Variants in NRXN2 observed in about 807,000 individuals in gnomAD.
NRXN2 encodes the protein neurexin 2.
NRXN2 carries 29 observed loss-of-function variants against 128.8 expected under a neutral mutation model. That is an observed-to-expected ratio of 0.23 (90% confidence interval 0.17 to 0.31). The LOEUF is 0.31. Among genes scored for constraint, NRXN2 ranks in the 10% least tolerant of loss-of-function variants. NRXN2 has a pLI of 1.00. For missense variants in NRXN2, 1,881 were observed against 2,452.6 expected (o/e 0.77, Z 4.92); for synonymous variants, 1,098 against 1,075.2 (o/e 1.02, Z -0.41).
intron 17 of NRXN2, chr11:64,643,285 G>A: frequency 1.1e-5 from 11 of 981,014 alleles, no homozygotes; most frequent in Non-Finnish European, 1.2e-5. Flanking sequence ...GGAGACCGAC[G>A]GCGACTGGGG....
chr11:64,623,047 A>C lies in NRXN2; in HGVS notation c.3879T>G (p.Ala1293=). 1 of 1,608,590 alleles carries C rather than the reference A, an allele frequency of 6.2e-7. No individual in the cohort carries two copies. Among genetic ancestry groups the C allele is most frequent in the Non-Finnish European group, 8.5e-7 (1 of 1,177,610 alleles). ...GRQLTIFNSQ[A]AIKIGGRDQG... ...GATCCCGGCCCCCGATCTTGATGGC[A>C]GCCTGGCTGTTGAAGATGGTCAGCT... is the stretch of plus-strand genomic sequence containing the variant. The change falls in exon 21 of 23, where the codon GCT becomes GCG. Residue 1293 remains alanine (A), a synonymous_variant. Transcript: ENST00000265459. The surrounding 1 kb of genome is among the most constrained non-coding windows in gnomAD (Gnocchi z 4.9).
At chr11:64,674,649 G>C (rs1292320812) in intron 7 of NRXN2, among the ~76,000 whole-genome samples, 2 of 152,116 alleles carry the variant, frequency 1.3e-5, no homozygotes, top group Non-Finnish European at 2.9e-5. Flanking sequence ...CAGTTATTTT[G>C]GGACTGATTC....
At chr11:64,634,625 G>T (rs1386806694) in intron 18 of NRXN2, among the ~76,000 whole-genome samples, 1 of 151,926 alleles carries the variant, frequency 6.6e-6, no homozygotes, top group African/African-American at 2.4e-5. Context: ...AGAGCCAGGT[G>T]GGAGCTGAGG....
At chr11:64,666,856 C>A (rs1280645192) in intron 9 of NRXN2, among the ~76,000 whole-genome samples, 3 of 152,178 alleles carry the variant, frequency 2.0e-5, no homozygotes, top group East Asian at 3.8e-4. Flanking sequence ...AGGCATCGCA[C>A]CCGGCCGGAA....
At position 64,606,994 on chromosome 11, in the gene NRXN2, C is replaced by G. The variant is rs2039729727; in HGVS notation, c.*202G>C. The G allele has an allele frequency of 5.0e-6, 3 of 604,260 alleles. No homozygotes were observed. The highest frequency in any genetic ancestry group is 2.0e-5 in the South Asian group (1 of 48,818). 37.4% of individuals were successfully genotyped at this position (604,260 alleles called of 1,614,324 possible). On this transcript the variant is annotated 3_prime_UTR_variant, in exon 23 of 23. Transcript: ENST00000265459. The stretch of plus-strand genomic sequence containing the variant: ...CTGAGAGGGACAGTCAGCCCCGGGA[C>G]TGACGAGGCCGCGCAGTGGACGGCA...
Position 64,636,825 on chromosome 11 carries a change from G to A in NRXN2, c.3404-1373C>T, listed in dbSNP as rs556238303. On this transcript the variant is annotated intron_variant, in intron 17 of 22. Transcript: ENST00000265459. ...GTGGCCCAGTTGGTAACACTAGGCC[G>A]GGTTCCCTCAGGTACCTCGGGGTCT... is the stretch of plus-strand genomic sequence containing the variant. Among the ~76,000 whole-genome samples the A allele has an allele frequency of 7.2e-5, 11 of 152,198 alleles. No homozygotes were observed. The South Asian group carries it at 8.3e-4, about 11-fold the overall frequency.
chr11:64,681,559 C>T (rs2052295140), intron 6 of NRXN2, among the ~76,000 whole-genome samples: 1 of 152,200 alleles, frequency 6.6e-6, no homozygotes, highest in African/African-American at 2.4e-5. Context: ...TCGTGCCAGG[C>T]ACTGTGTTGA....
chr11:64,700,661 C>T (rs2055209875), intron 2 of NRXN2, among the ~76,000 whole-genome samples: 1 of 152,210 alleles, frequency 6.6e-6, no homozygotes, highest in African/African-American at 2.4e-5. Context: ...CCTGCAATAG[C>T]TTCCTCTTGG....
At chr11:64,677,804 G>A (rs892458975) in intron 6 of NRXN2, among the ~76,000 whole-genome samples, 1 of 152,230 alleles carries the variant, frequency 6.6e-6, no homozygotes, top group Non-Finnish European at 1.5e-5. Context: ...TGGCTTTCCA[G>A]AGAACTGGCT....
At chr11:64,649,913 A>G (rs1214370562) in intron 15 of NRXN2, among the ~76,000 whole-genome samples, 1 of 152,066 alleles carries the variant, frequency 6.6e-6, no homozygotes, top group African/African-American at 2.4e-5. Flanking sequence ...GACTGCTTCA[A>G]TGACCACTGA....
At chr11:64,670,694 C>T (rs2050518490) in intron 7 of NRXN2, among the ~76,000 whole-genome samples, 1 of 152,194 alleles carries the variant, frequency 6.6e-6, no homozygotes, top group South Asian at 2.1e-4. Context: ...GGATACAGCA[C>T]ACAGTCATTA....
At chr11:64,634,555 T>C (rs1207226) in intron 18 of NRXN2, among the ~76,000 whole-genome samples, 49,575 of 151,354 alleles carry the variant, frequency 0.33, 10,349 homozygotes, top group African/African-American at 0.59. Context: ...AAGGTCAAGG[T>C]GGGTAGCAGG....
rs750904164 is a variant in NRXN2 at position 64,648,202 on chromosome 11, C to T, written c.3403+17G>A. 8.7e-5 allele frequency: 141 copies of T among 1,614,016 alleles called. 1 individual carries two copies. In the Middle Eastern group the frequency reaches 3.6e-3, roughly 41 times the overall value. On this transcript the variant is annotated intron_variant, in intron 17 of 22. Transcript: ENST00000265459. The surrounding 1 kb of genome is among the most constrained non-coding windows in gnomAD (Gnocchi z 4.1). Reference sequence around the variant, plus strand: ...CCTGGTCTCCCCAAACTGCCCCCAGCCCTCCCAGGCACTCACGATCATTGC... The same window carrying T: ...CCTGGTCTCCCCAAACTGCCCCCAGTCCTCCCAGGCACTCACGATCATTGC...
intron 17 of NRXN2, among the ~76,000 whole-genome samples, chr11:64,645,446 G>C (rs1017224924): frequency 1.3e-5 from 2 of 152,158 alleles, no homozygotes; most frequent in Non-Finnish European, 2.9e-5. Context: ...AGATGGTAAG[G>C]AATTGACCGC....
chr11:64,653,722 T>C lies in NRXN2; in HGVS notation c.2390A>G (p.Asp797Gly), dbSNP rs369872073. The C allele has an allele frequency of 1.9e-6, 3 of 1,592,362 alleles. No homozygotes were observed. The African/African-American group carries it at 4.0e-5, about 21-fold the overall frequency. ...GGQMKLTVNL[D>G]CLRVGCAPSK... ...GGGTGCGCAGCCGACGCGCAGGCAGTCTGGGGGGGCCATGGGGCGGGCAGA... is the reference window on the plus strand; with the variant it reads ...GGGTGCGCAGCCGACGCGCAGGCAGCCTGGGGGGGCCATGGGGCGGGCAGA... Residue 797 changes from aspartate (D) to glycine (G), a missense_variant and splice_region_variant, in exon 12 of 23, where the codon GAC (aspartate) becomes GGC (glycine). By Grantham distance (94) the Asp-to-Gly change is moderately conservative. Around this residue, in one of 7 missense-constraint regions of NRXN2, gnomAD observed 997 missense variants for 1,240.8 expected, o/e 0.80. Transcript: ENST00000265459.
chr11:64,703,003 GAATT>G (rs1436913120), intron 2 of NRXN2, among the ~76,000 whole-genome samples: 79 of 125,510 alleles, frequency 6.3e-4, no homozygotes, highest in African/African-American at 2.3e-3. Flanking sequence ...AAGAAAGAAA[GAATT>G]AAAAAAAAAA....
chr11:64,643,658 C>A (rs1275941317), intron 17 of NRXN2, among the ~76,000 whole-genome samples: 1 of 150,834 alleles, frequency 6.6e-6, no homozygotes, highest in South Asian at 2.1e-4. Flanking sequence ...GGCGGAGGGA[C>A]CAGAGCGGCT....
chr11:64,658,052 G>T (rs926027489), intron 11 of NRXN2, among the ~76,000 whole-genome samples: 4 of 152,162 alleles, frequency 2.6e-5, no homozygotes, highest in Non-Finnish European at 4.4e-5. Context: ...GGTCCCAAGG[G>T]CCCACAGGAT....
chr11:64,695,373 G>C (rs2054362507), intron 3 of NRXN2, among the ~76,000 whole-genome samples: 1 of 152,106 alleles, frequency 6.6e-6, no homozygotes, highest in Admixed American at 6.5e-5. Flanking sequence ...GTTCGGCAGG[G>C]GTGCAGAGCA....
Sources: gnomAD v4.1 joint callset for allele counts (sites outside exome capture counted in the v4.1 genomes callset) on GRCh38, gnomAD v4.1.1 for gene constraint, gnomAD v4.1.1 regional missense constraint, Gnocchi (gnomAD v3.1) non-coding constraint, MANE v1.5 for transcripts, NCBI Gene and HGNC (gene_info 2026-07-23, HGNC 2026-07-21) for gene names.